SLCO1B1: variants seen among roughly 807,000 people sequenced by gnomAD.
The protein encoded by SLCO1B1 is OATP-2.
In SLCO1B1, 81 loss-of-function variants were observed where a neutral mutation model predicts 70.1. The observed-to-expected ratio is 1.16, with a 90% CI of 0.97 to 1.39. The LOEUF is 1.39. Among genes scored for constraint, SLCO1B1 ranks in the 40% most tolerant of loss-of-function variants. The pLI is 0.00. For missense variants in SLCO1B1, 895 were observed against 799.6 expected (o/e 1.12, Z -1.44); for synonymous variants, 283 against 271.5 (o/e 1.04, Z -0.42).
At chr12:21,238,210 A>C (rs1439677587) in intron 14 of SLCO1B1, among the ~76,000 whole-genome samples, 1 of 152,132 alleles carries the variant, frequency 6.6e-6, no homozygotes, top group Non-Finnish European at 1.5e-5. Flanking sequence ...AGTCTTCATC[A>C]GTTGTGTTCT....
intron 2 of SLCO1B1, among the ~76,000 whole-genome samples, chr12:21,157,156 A>G (rs892984103): frequency 1.3e-5 from 2 of 152,158 alleles, no homozygotes; most frequent in African/African-American, 4.8e-5. Flanking sequence ...AAGGTTAGCA[A>G]GCAAAAACAA....
chr12:21,182,041 A>C (rs1022516400), intron 7 of SLCO1B1, among the ~76,000 whole-genome samples: 1 of 152,196 alleles, frequency 6.6e-6, no homozygotes, highest in Non-Finnish European at 1.5e-5. Context: ...GGAAGCCCAA[A>C]ATATTGAATA....
intron 2 of SLCO1B1, among the ~76,000 whole-genome samples, chr12:21,161,610 C>A (rs1003538041): frequency 6.6e-6 from 1 of 152,086 alleles, no homozygotes; most frequent in African/African-American, 2.4e-5. Context: ...GTACCACAAA[C>A]CCCCGTGACA....
chr12:21,145,473 AT>A (rs35334634), intron 2 of SLCO1B1, among the ~76,000 whole-genome samples: 10,447 of 75,330 alleles, frequency 0.14, 710 homozygotes, highest in East Asian at 0.28. Flanking sequence ...CATTTTTTTC[AT>A]TTTTTTTTTT....
intron 1 of SLCO1B1, among the ~76,000 whole-genome samples, chr12:21,131,664 A>G (rs184084770): frequency 1.9e-4 from 29 of 149,400 alleles, no homozygotes; most frequent in African/African-American, 6.8e-4. Flanking sequence ...GTGGGAGTAG[A>G]GGGAAGAGTT....
intron 8 of SLCO1B1, among the ~76,000 whole-genome samples, chr12:21,198,766 G>C (rs568710404): frequency 2.6e-4 from 39 of 152,094 alleles, no homozygotes; most frequent in Non-Finnish European, 5.0e-4. Context: ...CTTTTCAAAA[G>C]TGGAGGAAAT....
intron 14 of SLCO1B1, among the ~76,000 whole-genome samples, chr12:21,226,374 A>C (rs1394026459): frequency 6.6e-6 from 1 of 152,076 alleles, no homozygotes; most frequent in Non-Finnish European, 1.5e-5. Flanking sequence ...AGCTCATGGC[A>C]CTGCTCTCCG....
At chr12:21,200,021 G>A (rs12304130) in intron 8 of SLCO1B1, among the ~76,000 whole-genome samples, 202 of 152,080 alleles carry the variant, frequency 1.3e-3, no homozygotes, top group African/African-American at 4.5e-3. Flanking sequence ...GGCTGGTCTC[G>A]AATTCCTGAC....
chr12:21,234,629 CTT>C (rs951677235), intron 14 of SLCO1B1, among the ~76,000 whole-genome samples: 11 of 152,074 alleles, frequency 7.2e-5, no homozygotes, highest in African/African-American at 2.4e-4. Flanking sequence ...GGTCAGCTCT[CTT>C]TCAGTCTCGG....
In SLCO1B1 at chr12:21,161,241, G is replaced by A. The variant is rs148013375; in HGVS notation, c.85-11409G>A. Among the ~76,000 whole-genome samples the A allele has an allele frequency of 2.5e-3, 373 of 152,224 alleles. 3 individuals are homozygous for A. Among genetic ancestry groups the A allele is most frequent in the African/African-American group, 8.8e-3 (364 of 41,536 alleles). ...GTTCATTGCAACATTATTCACAATA[G>A]CAAAGAAAGACATGGAATTAACCTA... is the stretch of plus-strand genomic sequence containing the variant. On this transcript the variant is annotated intron_variant, in intron 2 of 14. Coordinates refer to ENST00000256958, the MANE Select transcript of SLCO1B1 (RefSeq NM_006446.5).
At chr12:21,139,755 G>A (rs541243430) in intron 1 of SLCO1B1, among the ~76,000 whole-genome samples, 1 of 152,198 alleles carries the variant, frequency 6.6e-6, no homozygotes, top group African/African-American at 2.4e-5. Context: ...CCCAACTAAG[G>A]TTGAACAAAA....
intron 7 of SLCO1B1, among the ~76,000 whole-genome samples, chr12:21,190,400 G>A (rs796497148): frequency 4.6e-5 from 7 of 152,236 alleles, no homozygotes; most frequent in African/African-American, 1.7e-4. Context: ...CCACATACCT[G>A]TGTCTGAGTA....
At chr12:21,149,027 C>T (rs770877037) in intron 2 of SLCO1B1, among the ~76,000 whole-genome samples, 11 of 151,954 alleles carry the variant, frequency 7.2e-5, no homozygotes, top group Non-Finnish European at 1.6e-4. Context: ...CTCTGTTTGT[C>T]TATTATTGGT....
In SLCO1B1 at chr12:21,239,175, G is replaced by A. The variant is rs367879427; in HGVS notation, c.2062G>A (p.Glu688Lys). Residue 688 changes from glutamate (E) to lysine (K), a missense_variant, in exon 15 of 15, where the codon GAA becomes AAA. Transcript: ENST00000256958. Reference sequence around the variant, plus strand: ...TGTCCCTTCTGCTGGGGCAGATAGTGAAACACATTGTTAAGGGGAGAAAAA... The same window carrying A: ...TGTCCCTTCTGCTGGGGCAGATAGTAAAACACATTGTTAAGGGGAGAAAAA... The part of the protein sequence containing the change: ...HFVPSAGADS[E>K]THC 6 of 1,611,744 alleles carry A rather than the reference G, an allele frequency of 3.7e-6. No individual in the cohort carries two copies. The highest frequency in any genetic ancestry group is 4.2e-6 in the Non-Finnish European group (5 of 1,178,228).
At chr12:21,206,168 T>C in intron 11 of SLCO1B1, 135 bp downstream of exon 11, 2 of 700,348 alleles carry the variant, frequency 2.9e-6, no homozygotes, top group South Asian at 3.5e-5. Context: ...TATCTGTTAT[T>C]GTGATGGGTG....
At chr12:21,204,126 C>T (rs763429017) in intron 10 of SLCO1B1, among the ~76,000 whole-genome samples, 14 of 151,698 alleles carry the variant, frequency 9.2e-5, no homozygotes, top group South Asian at 2.1e-4. Context: ...TAAAATCCTG[C>T]GACTGGGATA....
chr12:21,135,449 T>C (rs1412225295), intron 1 of SLCO1B1, among the ~76,000 whole-genome samples: 1 of 152,162 alleles, frequency 6.6e-6, no homozygotes, highest in Non-Finnish European at 1.5e-5. Context: ...AAGTCTCCCA[T>C]TATTATTGAG....
chr12:21,142,486 G>A (rs1448254975), intron 2 of SLCO1B1, among the ~76,000 whole-genome samples: 3 of 151,950 alleles, frequency 2.0e-5, no homozygotes, highest in Non-Finnish European at 4.4e-5. Context: ...TTTTATCAAT[G>A]TTTTAACTTT....
intron 14 of SLCO1B1, among the ~76,000 whole-genome samples, chr12:21,238,132 C>CT (rs1169786806): frequency 1.3e-5 from 2 of 152,058 alleles, no homozygotes; most frequent in Non-Finnish European, 2.9e-5. Flanking sequence ...AATTGATTTA[C>CT]TTTTTAGTCT....
Sources: allele counts gnomAD v4.1 joint callset (sites outside exome capture counted in the v4.1 genomes callset), GRCh38; gene constraint gnomAD v4.1.1; transcripts MANE v1.5; gene names NCBI Gene and HGNC (gene_info 2026-07-23, HGNC 2026-07-21).